EGF: variants seen among roughly 807,000 people sequenced by gnomAD.
The protein encoded by EGF is pro-epidermal growth factor.
In EGF, 95 loss-of-function variants were observed where a neutral mutation model predicts 143.8. That is an observed-to-expected ratio of 0.66 (90% CI 0.56 to 0.78). EGF has a LOEUF of 0.78. Ranked by LOEUF, EGF falls within the 30% of genes least tolerant of loss-of-function variation. The pLI, the probability that EGF is intolerant of heterozygous loss-of-function variation, is 0.00. For missense variants in EGF, 1,320 were observed against 1,470.9 expected (o/e 0.90, Z 1.68); for synonymous variants, 510 against 510.5 (o/e 1.00, Z 0.01).
At chr4:109,977,217 G>T (rs1748634400) in intron 13 of EGF, 1 of 152,152 alleles carries the variant, frequency 6.6e-6, no homozygotes, top group Non-Finnish European at 1.5e-5. Flanking sequence ...TTAGAAATTG[G>T]TTGGGAAGAT....
chr4:109,928,723 G>A (rs936765599), intron 1 of EGF, among the ~76,000 whole-genome samples: 1 of 152,092 alleles, frequency 6.6e-6, no homozygotes, highest in Non-Finnish European at 1.5e-5. Flanking sequence ...TGCTATACTA[G>A]AGTCAGTCTG....
At chr4:109,989,215 A>T (rs1467993622) in intron 18 of EGF, among the ~76,000 whole-genome samples, 1 of 152,182 alleles carries the variant, frequency 6.6e-6, no homozygotes, top group Non-Finnish European at 1.5e-5. Context: ...CTGACGTTGA[A>T]ATACAAGTAA....
chr4:109,966,443 A>G (rs1419716650), intron 10 of EGF, among the ~76,000 whole-genome samples: 1 of 152,150 alleles, frequency 6.6e-6, no homozygotes, highest in Non-Finnish European at 1.5e-5. Context: ...CCACTCATCC[A>G]TTGATGGACA....
chr4:110,003,086 C>T (rs74704765), intron 21 of EGF, among the ~76,000 whole-genome samples: 2 of 152,132 alleles, frequency 1.3e-5, no homozygotes, highest in African/African-American at 2.4e-5. Context: ...TAGGTTGATT[C>T]CGTGTCTTTG....
chr4:109,970,780 G>GT (rs1217878254), intron 11 of EGF, among the ~76,000 whole-genome samples: 3 of 134,026 alleles, frequency 2.2e-5, no homozygotes, highest in Non-Finnish European at 4.5e-5. Context: ...AGCGGAGATC[G>GT]CACCACTGCA....
intron 20 of EGF, among the ~76,000 whole-genome samples, chr4:109,996,430 T>C (rs1024378556): frequency 6.6e-6 from 1 of 152,242 alleles, no homozygotes; most frequent in African/African-American, 2.4e-5. Flanking sequence ...TTACCAGAGT[T>C]CACAGTAATC....
At chr4:109,919,287 G>GTCTC (rs58110007) in intron 1 of EGF, among the ~76,000 whole-genome samples, 1,062 of 75,804 alleles carry the variant, frequency 0.014, 54 homozygotes, top group Middle Eastern at 0.035. Context: ...ATGCTTCTCT[G>GTCTC]TCTCTCTCTC....
intron 1 of EGF, among the ~76,000 whole-genome samples, chr4:109,930,657 C>G (rs746724898): frequency 3.3e-5 from 5 of 152,146 alleles, no homozygotes; most frequent in Non-Finnish European, 5.9e-5. Flanking sequence ...GTGTTTGCCC[C>G]CAAGGCCTGC....
At chr4:109,999,643 G>T (rs754605841) in intron 20 of EGF, 36 bp from the exon 21 acceptor site, 3 of 1,614,100 alleles carry the variant, frequency 1.9e-6, no homozygotes, top group South Asian at 2.2e-5. Flanking sequence ...TTTTGGCCAG[G>T]CATCTCTGAT....
chr4:109,960,783 T>G, intron 6 of EGF, 84 bp from the exon 7 acceptor site: 1 of 1,512,158 alleles, frequency 6.6e-7, no homozygotes, highest in Non-Finnish European at 9.2e-7. Context: ...TGAGATACCC[T>G]GCGTTGTGAT....
chr4:109,936,061 A>G (rs1265998154), intron 1 of EGF, among the ~76,000 whole-genome samples: 1 of 152,184 alleles, frequency 6.6e-6, no homozygotes, highest in Admixed American at 6.5e-5. Context: ...CTGGCCTCAT[A>G]AAATGAGTTA....
At chr4:109,941,586 G>C (rs1379060722) in intron 2 of EGF, among the ~76,000 whole-genome samples, 1 of 152,112 alleles carries the variant, frequency 6.6e-6, no homozygotes, top group Non-Finnish European at 1.5e-5. Context: ...GCATCTAGTG[G>C]GTAGAGGCCT....
intron 16 of EGF, among the ~76,000 whole-genome samples, chr4:109,986,742 T>C (rs1289247783): frequency 7.0e-6 from 1 of 141,938 alleles, no homozygotes; most frequent in African/African-American, 2.9e-5. Flanking sequence ...CATACATAAG[T>C]AAAGAGAAAA....
chr4:110,002,193 A>G (rs1262578020), intron 21 of EGF, among the ~76,000 whole-genome samples: 3 of 152,062 alleles, frequency 2.0e-5, no homozygotes, highest in African/African-American at 7.2e-5. Context: ...GTGTCTCTCA[A>G]AGGATTAATT....
At chr4:109,932,910 C>T (rs1192769605) in intron 1 of EGF, among the ~76,000 whole-genome samples, 2 of 152,006 alleles carry the variant, frequency 1.3e-5, no homozygotes, top group African/African-American at 4.8e-5. Flanking sequence ...TCTTTTTCTC[C>T]ATGATGAATT....
At chr4:109,993,445 A>G (rs1751325018) in intron 19 of EGF, 76 bp downstream of exon 19, 4 of 1,586,638 alleles carry the variant, frequency 2.5e-6, no homozygotes, top group Non-Finnish European at 8.6e-7. Context: ...CTCTATTTGC[A>G]TTAGAGATTC....
Position 110,004,556 on chromosome 4 carries a change from C to CAG in EGF, c.3229_3230dup (p.Asp1077GlufsTer3). Reference sequence around the variant, plus strand: ...CAAAGAATCCTTATGAGGAGTCGAGCAGAGATGTGAGGAGTCGCAGGCCTG... The same window carrying CAG: ...CAAAGAATCCTTATGAGGAGTCGAGCAGAGAGATGTGAGGAGTCGCAGGCCTG... On this transcript the variant is annotated frameshift_variant, in exon 22 of 24. Transcript: ENST00000265171. LOFTEE classifies it high-confidence loss of function. 1 of 1,614,048 alleles carries CAG rather than the reference C, an allele frequency of 6.2e-7. No individual in the cohort carries two copies. Among genetic ancestry groups the CAG allele is most frequent in the South Asian group, 1.1e-5 (1 of 91,074 alleles).
chr4:109,929,937 A>C (rs570578841), intron 1 of EGF, among the ~76,000 whole-genome samples: 8 of 152,284 alleles, frequency 5.3e-5, no homozygotes, highest in African/African-American at 1.7e-4. Flanking sequence ...GTTGAGGGAG[A>C]GACCTGGTGG....
At chr4:109,935,093 G>T (rs1740519724) in intron 1 of EGF, among the ~76,000 whole-genome samples, 1 of 152,100 alleles carries the variant, frequency 6.6e-6, no homozygotes. Context: ...TTCCAATTCT[G>T]TGAAGAAAGT....
Sources: gnomAD v4.1 joint callset for allele counts (sites outside exome capture counted in the v4.1 genomes callset) on GRCh38, gnomAD v4.1.1 for gene constraint, MANE v1.5 for transcripts, NCBI Gene and HGNC (gene_info 2026-07-23, HGNC 2026-07-21) for gene names.